NT5M: variants seen among roughly 807,000 people sequenced by gnomAD.
The protein encoded by NT5M is 5',3'-nucleotidase, mitochondrial, also known as 5'(3')-deoxyribonucleotidase, mitochondrial.
Under a neutral mutation model 22.2 loss-of-function variants are expected in NT5M, and 22 were observed. The ratio of observed to expected loss-of-function variants is 0.99; its 90% CI spans 0.71 to 1.41. NT5M has a LOEUF of 1.41. Among genes scored for constraint, NT5M ranks in the 40% most tolerant of loss-of-function variants. The pLI is 0.00. For synonymous variants in NT5M, 167 were observed against 133.0 expected (o/e 1.26, Z -1.76); for missense variants, 322 against 314.8 (o/e 1.02, Z -0.17).
chr17:17,326,443 A>G (rs1471122258), intron 3 of NT5M, among the ~76,000 whole-genome samples: 1 of 152,214 alleles, frequency 6.6e-6, no homozygotes, highest in Non-Finnish European at 1.5e-5. Flanking sequence ...AGTCACAGTA[A>G]CATCAACAGG....
At chr17:17,314,287 G>A (rs752917758) in intron 2 of NT5M, among the ~76,000 whole-genome samples, 1 of 152,014 alleles carries the variant, frequency 6.6e-6, no homozygotes, top group Admixed American at 6.6e-5. Context: ...CACCCACCTC[G>A]GCTTCCCAAA....
chr17:17,322,935 G>A (rs181055512), intron 2 of NT5M, among the ~76,000 whole-genome samples: 2 of 152,320 alleles, frequency 1.3e-5, no homozygotes. Flanking sequence ...TGCATTGCAG[G>A]AGGCCCTCCA....
At chr17:17,322,786 A>G (rs2049177819) in intron 2 of NT5M, among the ~76,000 whole-genome samples, 1 of 149,096 alleles carries the variant, frequency 6.7e-6, no homozygotes, top group Admixed American at 6.6e-5. Flanking sequence ...AGCCAAGCCA[A>G]GGCCAAGCCT....
intron 3 of NT5M, among the ~76,000 whole-genome samples, chr17:17,331,226 G>T (rs1035533948): frequency 2.0e-5 from 3 of 151,524 alleles, no homozygotes; most frequent in Admixed American, 6.6e-5. Context: ...CTGAACCCCA[G>T]TGTCACCCCT....
intron 2 of NT5M, among the ~76,000 whole-genome samples, chr17:17,321,049 C>T (rs553210015): frequency 3.7e-4 from 57 of 152,074 alleles, no homozygotes; most frequent in Non-Finnish European, 6.9e-4. Context: ...CATTCTGCTT[C>T]GAAGGGAGCA....
chr17:17,318,310 C>G (rs1228397717), intron 2 of NT5M, among the ~76,000 whole-genome samples: 4 of 151,632 alleles, frequency 2.6e-5, no homozygotes, highest in African/African-American at 4.8e-5. Flanking sequence ...AACCCCGTCT[C>G]TACTAAAAAT....
Position 17,303,556 on chromosome 17 carries a change from C to G in NT5M, c.6C>G (p.Ile2Met). M[I>M]RLGGWCARRL... The stretch of plus-strand genomic sequence containing the variant: ...ACGGGCCAGCGCGCTGGGCCATGAT[C>G]CGGCTGGGCGGCTGGTGTGCGCGGC... The change falls in exon 1 of 5, where the codon ATC (isoleucine) becomes ATG (methionine). Residue 2 changes from isoleucine to methionine, a missense_variant. Coordinates refer to ENST00000389022, the MANE Select transcript of NT5M (RefSeq NM_020201.4). 2.8e-6 allele frequency: 3 copies of G among 1,084,538 alleles called. No individual in the cohort carries two copies. Among genetic ancestry groups the G allele is most frequent in the South Asian group, 4.3e-5 (1 of 23,086 alleles). 67.2% of individuals were successfully genotyped at this position (1,084,538 alleles called of 1,614,324 possible). A position where few individuals can be genotyped will look rare whatever the true frequency, so the allele number is the denominator to read the frequency against.
At chr17:17,333,469 A>G (rs2049430200) in intron 3 of NT5M, 2 of 152,196 alleles carry the variant, frequency 1.3e-5, no homozygotes, top group Non-Finnish European at 2.9e-5. Context: ...ATGCCAAGCT[A>G]ATTTTTAAAA....
chr17:17,328,832 G>T (rs571222116), intron 3 of NT5M, among the ~76,000 whole-genome samples: 1 of 152,236 alleles, frequency 6.6e-6, no homozygotes, highest in East Asian at 1.9e-4. Flanking sequence ...CTTCTTTCTG[G>T]CTGGAAAGAA....
At chr17:17,336,000 CTTTTTT>C (rs1167144502) in intron 3 of NT5M, among the ~76,000 whole-genome samples, 1 of 98,920 alleles carries the variant, frequency 1.0e-5, no homozygotes, top group African/African-American at 4.0e-5. Flanking sequence ...CTTATTCATT[CTTTTTT>C]TTTTTTTTTT....
chr17:17,337,401 C>A (rs1361116497), intron 3 of NT5M, among the ~76,000 whole-genome samples: 1 of 150,306 alleles, frequency 6.7e-6, no homozygotes, highest in Non-Finnish European at 1.5e-5. Context: ...GCCACCAAGC[C>A]TAATTTTTTT....
At chr17:17,333,990 C>T (rs2049444180) in intron 3 of NT5M, among the ~76,000 whole-genome samples, 1 of 152,024 alleles carries the variant, frequency 6.6e-6, no homozygotes, top group African/African-American at 2.4e-5. Flanking sequence ...CCCACCACCA[C>T]ACCTGGCTAA....
chr17:17,326,474 G>C (rs1309917817), intron 3 of NT5M, among the ~76,000 whole-genome samples: 1 of 152,216 alleles, frequency 6.6e-6, no homozygotes, highest in East Asian at 1.9e-4. Flanking sequence ...CTTGAACAAA[G>C]GCAGGACTGA....
At chr17:17,339,858 T>C (rs1243715065) in intron 3 of NT5M, among the ~76,000 whole-genome samples, 1 of 152,210 alleles carries the variant, frequency 6.6e-6, no homozygotes. Flanking sequence ...CTTTTTAATG[T>C]GTTGTTGAAT....
rs1181914737 is a variant in NT5M, at chr17:17,327,343, G to T, written c.429+4098G>T. 5.2e-5 allele frequency among the ~76,000 whole-genome samples: 5 copies of T among 95,594 alleles called. 1 individual carries two copies. Among genetic ancestry groups the T allele is most frequent in the South Asian group, 3.6e-4 (1 of 2,762 alleles). The allele number at this position is 95,594 out of a possible 152,430, so 62.7% of individuals were successfully genotyped here. On this transcript the variant is annotated intron_variant, in intron 3 of 4. Coordinates refer to ENST00000389022, the MANE Select transcript of NT5M (RefSeq NM_020201.4). ...CTGTCATCAAACACTTCAGAAACAT[G>T]ATTTTTTTTTTTTTTTGTGAGACAG...
In NT5M at chr17:17,315,524, G is replaced by C. The variant is rs368916541; in HGVS notation, c.369-7661G>C. On this transcript the variant is annotated intron_variant, in intron 2 of 4. Coordinates refer to ENST00000389022, the MANE Select transcript of NT5M (RefSeq NM_020201.4). Reference sequence around the variant, plus strand: ...TCTAGGGAGCTGAGAATTGACATCAGACCTGAAGAGTAAGAATGAATGGGC... The same window carrying C: ...TCTAGGGAGCTGAGAATTGACATCACACCTGAAGAGTAAGAATGAATGGGC... Among the ~76,000 whole-genome samples, 19 of 152,282 alleles carry C rather than the reference G, an allele frequency of 1.2e-4. No individual in the cohort carries two copies. The East Asian group carries it at 3.3e-3, about 26-fold the overall frequency.
intron 2 of NT5M, among the ~76,000 whole-genome samples, chr17:17,318,903 G>A (rs547044435): frequency 6.6e-6 from 1 of 151,556 alleles, no homozygotes; most frequent in Non-Finnish European, 1.5e-5. Context: ...ACGTATTGTA[G>A]GATTCTATTT....
Position 17,306,530 on chromosome 17 carries a change from C to T in NT5M, c.268-13C>T, listed in dbSNP as rs1172848663. 2 of 1,606,972 alleles carry T rather than the reference C, an allele frequency of 1.2e-6. No individual in the cohort carries two copies. Among genetic ancestry groups the T allele is most frequent in the Admixed American group, 3.3e-5 (2 of 59,982 alleles). ...AGGACCCTGGAAGTAACTTGCTTTT[C>T]TCAACTTCTCAGGAGAAGGCCATCA... On this transcript the variant is annotated splice_polypyrimidine_tract_variant and intron_variant, in intron 1 of 4. Transcript: ENST00000389022.
chr17:17,325,402 C>G (rs915704792), intron 3 of NT5M, among the ~76,000 whole-genome samples: 2 of 152,066 alleles, frequency 1.3e-5, no homozygotes, highest in African/African-American at 4.8e-5. Flanking sequence ...GGCCTCAGGT[C>G]GGAAATCAGG....
Sources: allele counts gnomAD v4.1 joint callset (sites outside exome capture counted in the v4.1 genomes callset), GRCh38; gene constraint gnomAD v4.1.1; transcripts MANE v1.5; gene names NCBI Gene and HGNC (gene_info 2026-07-23, HGNC 2026-07-21).